PDCD1LG2: variants seen among roughly 807,000 people sequenced by gnomAD.
PDCD1LG2 encodes programmed cell death 1 ligand 2.
PDCD1LG2 carries 32 observed loss-of-function variants against 28.2 expected under a neutral mutation model. The observed-to-expected ratio is 1.13, with a 90% CI of 0.86 to 1.52. The LOEUF is 1.52. Among genes scored for constraint, PDCD1LG2 ranks in the 40% most tolerant of loss-of-function variants. PDCD1LG2 has a pLI of 0.00. For synonymous variants in PDCD1LG2, 116 were observed against 120.2 expected (o/e 0.97, Z 0.23); for missense variants, 385 against 323.8 (o/e 1.19, Z -1.45).
chr9:5,551,408 G>C (rs1487126704), intron 4 of PDCD1LG2, among the ~76,000 whole-genome samples: 1 of 152,156 alleles, frequency 6.6e-6, no homozygotes, highest in Non-Finnish European at 1.5e-5. Context: ...AGAGATTTAG[G>C]AGTTTAAGAG....
At chr9:5,551,496 C>CA (rs1490597682) in intron 4 of PDCD1LG2, among the ~76,000 whole-genome samples, 1 of 152,182 alleles carries the variant, frequency 6.6e-6, no homozygotes, top group Non-Finnish European at 1.5e-5. Flanking sequence ...AGCATGTAGA[C>CA]AGCCTCCTAA....
rs909016535 is a variant in PDCD1LG2 at position 5,530,926 on chromosome 9, T to C, written c.56-3819T>C. ...GGGAAGGCTTGAAATTCTACATTTC[T>C]ACCTAGCTTCCAGGTGAAGTTGAGG... On this transcript the variant is annotated intron_variant, in intron 2 of 6. Coordinates refer to ENST00000397747, the MANE Select transcript of PDCD1LG2 (RefSeq NM_025239.4). Among the ~76,000 whole-genome samples, 13 of 152,338 alleles carry C rather than the reference T, an allele frequency of 8.5e-5. No homozygotes were observed. The East Asian group carries it at 1.9e-3, about 23-fold the overall frequency.
At chr9:5,549,824 T>G (rs979782178) in intron 4 of PDCD1LG2, among the ~76,000 whole-genome samples, 4 of 152,182 alleles carry the variant, frequency 2.6e-5, no homozygotes, top group Non-Finnish European at 4.4e-5. Flanking sequence ...AAGGGAGCTG[T>G]AGGGAAAGCC....
intron 1 of PDCD1LG2, 34 bp downstream of exon 1, chr9:5,510,837 T>G (rs1445297291): frequency 6.6e-6 from 1 of 152,332 alleles, no homozygotes; most frequent in Non-Finnish European, 1.5e-5. Flanking sequence ...ACTCTCATAC[T>G]ATTATGTTGT....
chr9:5,552,639 T>C (rs1051016480), intron 4 of PDCD1LG2, among the ~76,000 whole-genome samples: 1 of 152,156 alleles, frequency 6.6e-6, no homozygotes, highest in East Asian at 1.9e-4. Context: ...TATCTGATGC[T>C]TTATGCCAAA....
At chr9:5,551,838 GTCAGC>G (rs1446454120) in intron 4 of PDCD1LG2, among the ~76,000 whole-genome samples, 1 of 152,210 alleles carries the variant, frequency 6.6e-6, no homozygotes, top group African/African-American at 2.4e-5. Context: ...CCTTCATTAA[GTCAGC>G]TCTGCCACTG....
chr9:5,562,940 G>C (rs1292051736), intron 5 of PDCD1LG2, among the ~76,000 whole-genome samples: 2 of 152,194 alleles, frequency 1.3e-5, no homozygotes, highest in Admixed American at 1.3e-4. Context: ...GCCAGGAGTA[G>C]ACAGAGGAAT....
intron 2 of PDCD1LG2, among the ~76,000 whole-genome samples, chr9:5,528,805 C>T (rs1397732130): frequency 1.3e-5 from 2 of 152,216 alleles, no homozygotes; most frequent in Non-Finnish European, 2.9e-5. Context: ...TCGTGGCTCA[C>T]TACAGCCTCT....
intron 1 of PDCD1LG2, among the ~76,000 whole-genome samples, chr9:5,517,584 A>C (rs1164947287): frequency 6.6e-6 from 1 of 152,220 alleles, no homozygotes; most frequent in East Asian, 1.9e-4. Flanking sequence ...GTTTTAAGAA[A>C]ATATGGTTTG....
chr9:5,538,936 A>C (rs966385784), intron 3 of PDCD1LG2, among the ~76,000 whole-genome samples: 2 of 152,106 alleles, frequency 1.3e-5, no homozygotes, highest in Non-Finnish European at 2.9e-5. Flanking sequence ...GGTAATTAGC[A>C]TATTTATCAT....
rs374312507 is a variant in PDCD1LG2, at chr9:5,546,599, T to G, written c.362-2736T>G. On this transcript the variant is annotated intron_variant, in intron 3 of 6. Coordinates refer to ENST00000397747, the MANE Select transcript of PDCD1LG2 (RefSeq NM_025239.4). ...GAATTGCCTTATCTTCTACTACTGC[T>G]GGGTGCTCCTAAGAACCTCAGAGCA... Among the ~76,000 whole-genome samples, 168 of 152,318 alleles carry G rather than the reference T, an allele frequency of 1.1e-3. 2 individuals carry two copies. The South Asian group carries it at 0.034, about 31-fold the overall frequency.
chr9:5,557,837 C>G (rs2129923974), intron 5 of PDCD1LG2, 85 bp downstream of exon 5: 1 of 1,518,890 alleles, frequency 6.6e-7, no homozygotes, highest in Non-Finnish European at 9.1e-7. Flanking sequence ...CTATGGCTTG[C>G]TGCTTTCATG....
intron 1 of PDCD1LG2, among the ~76,000 whole-genome samples, chr9:5,519,301 G>A (rs1357906908): frequency 3.3e-5 from 5 of 152,174 alleles, no homozygotes; most frequent in Admixed American, 3.3e-4. Flanking sequence ...GCAGTTGTGG[G>A]TATGGGCTCT....
intron 2 of PDCD1LG2, 37 bp downstream of exon 2, chr9:5,522,638 A>G: frequency 6.2e-7 from 1 of 1,603,206 alleles, no homozygotes; most frequent in Non-Finnish European, 8.5e-7. Context: ...AAGAAAGAAG[A>G]GCAGGTGGTG....
chr9:5,553,484 T>G (rs555253292), intron 4 of PDCD1LG2, among the ~76,000 whole-genome samples: 5 of 152,336 alleles, frequency 3.3e-5, no homozygotes, highest in African/African-American at 1.2e-4. Flanking sequence ...ACGCTTCTTA[T>G]ATAAGAACCT....
At chr9:5,517,398 G>T (rs371075851) in intron 1 of PDCD1LG2, among the ~76,000 whole-genome samples, 5 of 152,222 alleles carry the variant, frequency 3.3e-5, no homozygotes, top group African/African-American at 1.2e-4. Context: ...AATGGATGGC[G>T]GTTGGTAGGT....
intron 6 of PDCD1LG2, among the ~76,000 whole-genome samples, chr9:5,568,078 G>A (rs1816700335): frequency 6.6e-6 from 1 of 151,894 alleles, no homozygotes. Flanking sequence ...TTTTCTTTTG[G>A]CACTATAAAC....
chr9:5,531,760 G>C (rs751344888), intron 2 of PDCD1LG2, among the ~76,000 whole-genome samples: 3 of 152,244 alleles, frequency 2.0e-5, no homozygotes, highest in Middle Eastern at 3.4e-3. Context: ...TTTAATTCTT[G>C]TTGTTATGCA....
At chr9:5,535,273 A>C (rs528447830) in intron 3 of PDCD1LG2, among the ~76,000 whole-genome samples, 1 of 152,340 alleles carries the variant, frequency 6.6e-6, no homozygotes, top group Non-Finnish European at 1.5e-5. Context: ...TATAGGAATA[A>C]AATGGGACTG....
Sources: gnomAD v4.1 joint callset for allele counts (sites outside exome capture counted in the v4.1 genomes callset) on GRCh38, gnomAD v4.1.1 for gene constraint, MANE v1.5 for transcripts, NCBI Gene and HGNC (gene_info 2026-07-23, HGNC 2026-07-21) for gene names.